Variants in DNAI2 observed in about 807,000 individuals in gnomAD.
The protein encoded by DNAI2 is dynein axonemal intermediate chain 2.
Under a neutral mutation model 74.7 loss-of-function variants are expected in DNAI2, and 63 were observed. The ratio of observed to expected loss-of-function variants is 0.84; its 90% CI spans 0.69 to 1.04. DNAI2 has a LOEUF of 1.04. DNAI2 is among the 50% of genes least tolerant of loss of function. The pLI is 0.00. For missense variants in DNAI2, 688 were observed against 803.2 expected (o/e 0.86, Z 1.73); for synonymous variants, 289 against 314.9 (o/e 0.92, Z 0.87).
At chr17:74,301,272 A>G in intron 8 of DNAI2, 104 bp downstream of exon 8, 1 of 1,556,484 alleles carries the variant, frequency 6.4e-7, no homozygotes. Flanking sequence ...ACCCAGCACC[A>G]GCCCAGGGAG....
rs149918986 is a variant in DNAI2, at chr17:74,299,821, G to A, written c.828G>A (p.Thr276=). The A allele has an allele frequency of 1.4e-4, 232 of 1,613,248 alleles. 1 individual carries two copies. The Middle Eastern group carries it at 3.5e-3, about 24-fold the overall frequency. ...GCACCATCTGGCTGCAGTCGAAGAC[G>A]GGCACCGAGTGCTTCTCAGCTTCCA... is the stretch of plus-strand genomic sequence containing the variant. ...VYGTIWLQSK[T]GTECFSASTD... is the part of the protein sequence containing the mutation. The change falls in exon 7 of 14, where the codon ACG becomes ACA. Residue 276 remains threonine, a synonymous_variant. Coordinates refer to ENST00000311014, the MANE Select transcript of DNAI2 (RefSeq NM_023036.6).
chr17:74,286,487 C>G lies in DNAI2; in HGVS notation c.346-490C>G, dbSNP rs117400621. Reference sequence around the variant, plus strand: ...CCAGGCTTGAGTGCAGTGGCGTGATCTTGGGTCTCTGCAATCTCCACCTCC... The same window carrying G: ...CCAGGCTTGAGTGCAGTGGCGTGATGTTGGGTCTCTGCAATCTCCACCTCC... On this transcript the variant is annotated intron_variant, in intron 3 of 13. Coordinates refer to ENST00000311014, the MANE Select transcript of DNAI2 (RefSeq NM_023036.6). Among the ~76,000 whole-genome samples, 1,040 of 152,060 alleles carry G rather than the reference C, an allele frequency of 6.8e-3. 8 individuals carry two copies. Among genetic ancestry groups the G allele is most frequent in the Non-Finnish European group, 0.011 (721 of 67,988 alleles).
chr17:74,283,184 A>G (rs2143885897), intron 2 of DNAI2, among the ~76,000 whole-genome samples: 1 of 152,334 alleles, frequency 6.6e-6, no homozygotes, highest in East Asian at 1.9e-4. Context: ...ATCCTGGGTG[A>G]TGTAAGAGTT....
chr17:74,312,285 C>G, intron 12 of DNAI2, 55 bp downstream of exon 12: 1 of 543,042 alleles, frequency 1.8e-6, no homozygotes, highest in East Asian at 4.3e-5. Flanking sequence ...ACACATGGCA[C>G]TTGGGTTCTG....
intron 1 of DNAI2, chr17:74,281,569 T>A: frequency 1.7e-6 from 1 of 589,140 alleles, no homozygotes; most frequent in East Asian, 2.8e-5. Flanking sequence ...AAATTTTTAT[T>A]GCCCTCCTCA....
At chr17:74,311,918 C>G in intron 11 of DNAI2, 85 bp from the exon 12 acceptor site, 1 of 1,319,380 alleles carries the variant, frequency 7.6e-7, no homozygotes, top group Non-Finnish European at 1.1e-6. Context: ...GAGAGCTCAG[C>G]AGAAGCCCCA....
At chr17:74,282,046 C>T in intron 2 of DNAI2, 46 bp downstream of exon 2, 1 of 1,609,976 alleles carries the variant, frequency 6.2e-7, no homozygotes, top group Non-Finnish European at 8.5e-7. Context: ...TGTGGCCAGG[C>T]AGGGCGGCCA....
intron 1 of DNAI2, among the ~76,000 whole-genome samples, chr17:74,281,107 G>T (rs1286226999): frequency 9.2e-6 from 1 of 108,230 alleles, no homozygotes; most frequent in Non-Finnish European, 1.9e-5. Context: ...AAAAAAAAAA[G>T]CCCTAAAAAC....
chr17:74,283,685 C>A (rs988449744), intron 2 of DNAI2, among the ~76,000 whole-genome samples: 2 of 152,322 alleles, frequency 1.3e-5, no homozygotes, highest in South Asian at 2.1e-4. Context: ...GAGAGGATCA[C>A]TTCCGCTCAG....
At chr17:74,296,397 GAGAA>G (rs2052447933) in intron 6 of DNAI2, among the ~76,000 whole-genome samples, 1 of 150,848 alleles carries the variant, frequency 6.6e-6, no homozygotes, top group African/African-American at 2.4e-5. Context: ...GAGAGAGAGA[GAGAA>G]AGAAAGAAAA....
At chr17:74,305,562 A>G (rs2053140743) in intron 9 of DNAI2, 120 bp downstream of exon 9, 3 of 857,952 alleles carry the variant, frequency 3.5e-6, no homozygotes. Flanking sequence ...ACCTTTCCAC[A>G]AACACCCGAG....
chr17:74,298,115 A>G (rs735147), intron 6 of DNAI2, among the ~76,000 whole-genome samples: 146,277 of 152,180 alleles, frequency 0.96, 70,585 homozygotes, highest in East Asian at 1. Context: ...GATTAATTCA[A>G]GAGCCTTGAC....
rs769602136 is a variant in DNAI2 at position 74,281,812 on chromosome 17, G to A, written c.-6G>A. ...ACCCTCCCTCTGCCCCCCAGCAGCC[G>A]GCACCATGGAGATTGTGTACGTGTA... is the stretch of plus-strand genomic sequence containing the variant. On this transcript the variant is annotated 5_prime_UTR_variant, in exon 2 of 14. Coordinates refer to ENST00000311014, the MANE Select transcript of DNAI2 (RefSeq NM_023036.6). The A allele has an allele frequency of 3.7e-6, 6 of 1,613,680 alleles. No individual in the cohort carries two copies. Among genetic ancestry groups the A allele is most frequent in the South Asian group, 1.1e-5 (1 of 91,078 alleles).
intron 8 of DNAI2, 105 bp downstream of exon 8, chr17:74,301,273 G>A (rs1028540516): frequency 6.5e-7 from 1 of 1,543,098 alleles, no homozygotes; most frequent in South Asian, 1.1e-5. Context: ...CCCAGCACCA[G>A]CCCAGGGAGG....
At chr17:74,309,152 G>C (rs1476048797) in intron 9 of DNAI2, 101 bp from the exon 10 acceptor site, 1 of 1,350,226 alleles carries the variant, frequency 7.4e-7, no homozygotes, top group South Asian at 1.2e-5. Flanking sequence ...TTCCTACCTA[G>C]CAAGACTCTG....
At chr17:74,303,393 C>T (rs1002073215) in intron 8 of DNAI2, among the ~76,000 whole-genome samples, 1 of 152,158 alleles carries the variant, frequency 6.6e-6, no homozygotes, top group African/African-American at 2.4e-5. Context: ...CTGGACCTCT[C>T]AAGCTTGGTC....
At position 74,290,935 on chromosome 17, in the gene DNAI2, T is replaced by C. The variant is rs2052051004; in HGVS notation, c.611-85T>C. The C allele has an allele frequency of 3.3e-6, 4 of 1,200,202 alleles. No homozygotes were observed. The Admixed American group carries it at 6.7e-5, about 20-fold the overall frequency. The allele number at this position is 1,200,202 out of a possible 1,614,324, so 74.3% of individuals were successfully genotyped here. On this transcript the variant is annotated intron_variant, in intron 5 of 13. Transcript: ENST00000311014. Reference sequence around the variant, plus strand: ...TCCCCCTCTGCCACCATGCCCCCGCTACCCACCCGCAGAAGGGGTGAAACT... The same window carrying C: ...TCCCCCTCTGCCACCATGCCCCCGCCACCCACCCGCAGAAGGGGTGAAACT...
intron 1 of DNAI2, among the ~76,000 whole-genome samples, chr17:74,276,044 G>GGAGGGCTGACCTTCCA (rs2051055533): frequency 6.6e-6 from 1 of 152,108 alleles, no homozygotes; most frequent in African/African-American, 2.4e-5. Flanking sequence ...AGTTCAATGT[G>GGAGGGCTGACCTTCCA]GAGGGCTGAC....
At chr17:74,314,091 C>A in intron 12 of DNAI2, 30 bp from the exon 13 acceptor site, 1 of 1,613,336 alleles carries the variant, frequency 6.2e-7, no homozygotes, top group South Asian at 1.1e-5. Flanking sequence ...CCTACCAACA[C>A]CAACACTTCT....
Sources: allele counts gnomAD v4.1 joint callset (sites outside exome capture counted in the v4.1 genomes callset), GRCh38; gene constraint gnomAD v4.1.1; transcripts MANE v1.5; gene names NCBI Gene and HGNC (gene_info 2026-07-23, HGNC 2026-07-21).